FAM50A: variants seen among roughly 807,000 people sequenced by gnomAD.
FAM50A encodes the protein protein FAM50A.
Under a neutral mutation model 35.5 loss-of-function variants are expected in FAM50A, and 6 were observed. The ratio of observed to expected loss-of-function variants is 0.17; its 90% CI spans 0.09 to 0.33. The LOEUF (loss-of-function observed/expected upper bound fraction) is 0.33, where lower values mean the gene tolerates loss of function less well. FAM50A is among the 10% of genes least tolerant of loss of function. FAM50A has a pLI of 1.00. For missense variants in FAM50A, 145 were observed against 295.5 expected (o/e 0.49, Z 3.73); for synonymous variants, 120 against 110.9 (o/e 1.08, Z -0.52).
Position 154,444,188 on chromosome X carries a change from T to TCGCCGCCGCCGCCGCCCGC in FAM50A, c.-31_-13dup, listed in dbSNP as rs782753766. 16 of 507,848 alleles carry TCGCCGCCGCCGCCGCCCGC rather than the reference T, an allele frequency of 3.2e-5. No homozygotes were observed. The highest frequency in any genetic ancestry group is 3.9e-5 in the Non-Finnish European group (16 of 413,948). 41.9% of individuals were successfully genotyped at this position (507,848 alleles called of 1,213,427 possible). On this transcript the variant is annotated 5_prime_UTR_variant, in exon 1 of 13. Coordinates refer to ENST00000393600, the MANE Select transcript of FAM50A (RefSeq NM_004699.4). ...GCCGCTGCCGCTGCCGCTGTCGCTG[T>TCGCCGCCGCCGCCGCCCGC]CGCCGCCGCCGCCGCCCGCCGCCGC...
intron 4 of FAM50A, among the ~76,000 whole-genome samples, chrX:154,447,217 C>T (rs1191195274): frequency 8.9e-6 from 1 of 112,555 alleles, no homozygotes; most frequent in Non-Finnish European, 1.9e-5. Flanking sequence ...CGAGAAAGTA[C>T]ATGCCAGAAG....
chrX:154,449,365 C>A, intron 8 of FAM50A, 68 bp downstream of exon 8: 1 of 938,691 alleles, frequency 1.1e-6, no homozygotes, highest in Non-Finnish European at 1.5e-6. Context: ...GTGCCAGACA[C>A]CCAGTGTGAT....
At chrX:154,445,746 G>A (rs200788225) in intron 2 of FAM50A, 29 bp downstream of exon 2, 13 of 1,187,464 alleles carry the variant, frequency 1.1e-5, no homozygotes, top group Admixed American at 4.4e-5. Context: ...CCCCTCACCC[G>A]GGCCCCGGGC....
At chrX:154,446,824 C>T in intron 4 of FAM50A, among the ~76,000 whole-genome samples, 1 of 112,396 alleles carries the variant, frequency 8.9e-6, no homozygotes, top group East Asian at 2.8e-4. Flanking sequence ...GACTGGGGCA[C>T]TAAATGGTGA....
chrX:154,446,276 A>C (rs2068782350), intron 3 of FAM50A, 139 bp from the exon 4 acceptor site: 1 of 542,687 alleles, frequency 1.8e-6, no homozygotes, highest in Admixed American at 2.9e-5. Context: ...GGACAGCAGG[A>C]CCCGTCTGGG....
At position 154,449,934 on chromosome X, in the gene FAM50A, G is replaced by A; in HGVS notation, c.829+3G>A. ...CACCAAGGCACGGGGGAAGAGTGGT[G>A]AGTGCCGCCGACCCAGCCGCCCCCA... is the stretch of plus-strand genomic sequence containing the variant. On this transcript the variant is annotated splice_donor_region_variant and intron_variant, in intron 10 of 12. Coordinates refer to ENST00000393600, the MANE Select transcript of FAM50A (RefSeq NM_004699.4). The A allele has an allele frequency of 8.3e-7, 1 of 1,211,190 alleles. No homozygotes were observed. Among genetic ancestry groups the A allele is most frequent in the Non-Finnish European group, 1.1e-6 (1 of 894,949 alleles).
chrX:154,449,599 G>T, intron 8 of FAM50A, 82 bp from the exon 9 acceptor site: 1 of 861,751 alleles, frequency 1.2e-6, no homozygotes, highest in Non-Finnish European at 1.7e-6. Context: ...CCCAGCATGG[G>T]CTCTCCTGGG....
At chrX:154,447,060 G>A (rs1676304639) in intron 4 of FAM50A, among the ~76,000 whole-genome samples, 2 of 111,517 alleles carry the variant, frequency 1.8e-5, no homozygotes, top group African/African-American at 6.5e-5. Flanking sequence ...GGAAGTCACG[G>A]GTCACCATGC....
Position 154,449,742 on chromosome X carries a change from C to T in FAM50A, c.780+7C>T, listed in dbSNP as rs1459539820. The T allele has an allele frequency of 5.8e-6, 7 of 1,203,856 alleles. No individual in the cohort carries two copies. In the Admixed American group the frequency reaches 1.3e-4, roughly 23 times the overall value. On this transcript the variant is annotated splice_region_variant and intron_variant, in intron 9 of 12. Transcript: ENST00000393600. The stretch of plus-strand genomic sequence containing the variant: ...GGACTTGATCATCCCTCACGTGAGT[C>T]CCTTCAGCCCCAGTACCCGCAGTGG...
At chrX:154,448,839 C>G in intron 6 of FAM50A, 54 bp from the exon 7 acceptor site, 1 of 1,193,300 alleles carries the variant, frequency 8.4e-7, no homozygotes. Flanking sequence ...GTGCGCTGAG[C>G]CCCAAGGCTG....
In FAM50A at chrX:154,446,528, C is replaced by G. The variant is rs149558328; in HGVS notation, c.410C>G (p.Ala137Gly). Residue 137 changes from alanine to glycine, a missense_variant, in exon 4 of 13, where the codon GCG becomes GGG. Physicochemically the swap from Ala to Gly is moderately conservative, Grantham distance 60. Coordinates refer to ENST00000393600, the MANE Select transcript of FAM50A (RefSeq NM_004699.4). ...EEEGGEEEEEAAMYEEEMERE... is the reference protein window; with the variant it reads ...EEEGGEEEEEGAMYEEEMERE... ...GAGGGAGGCGAGGAGGAAGAGGAGG[C>G]GGCCATGTATGAGGAGGAGATGGAA... The G allele has an allele frequency of 1.7e-6, 2 of 1,183,365 alleles. No homozygotes were observed. The highest frequency in any genetic ancestry group is 2.3e-6 in the Non-Finnish European group (2 of 877,889).
At chrX:154,449,083 C>A in intron 7 of FAM50A, 129 bp downstream of exon 7, 1 of 890,964 alleles carries the variant, frequency 1.1e-6, no homozygotes, top group Non-Finnish European at 1.6e-6. Flanking sequence ...CAGGGCCTGG[C>A]CCCCTGTCTG....
rs781952572 is a variant in FAM50A, at chrX:154,450,526, T to C, written c.*94T>C. The C allele has an allele frequency of 3.3e-5, 31 of 947,070 alleles. No individual in the cohort carries two copies. The African/African-American group carries it at 3.7e-4, about 11-fold the overall frequency. 78.0% of individuals were successfully genotyped at this position (947,070 alleles called of 1,213,427 possible). A position where few individuals can be genotyped will look rare whatever the true frequency, so the allele number is the denominator to read the frequency against. On this transcript the variant is annotated 3_prime_UTR_variant, in exon 13 of 13. Coordinates refer to ENST00000393600, the MANE Select transcript of FAM50A (RefSeq NM_004699.4). ...CCAGGCACCCGCTCCCCTGCGACCA[T>C]GCCAGGCACGCTGGGAGGAGGACGG... is the stretch of plus-strand genomic sequence containing the variant.
intron 3 of FAM50A, 25 bp downstream of exon 3, chrX:154,445,936 A>G (rs1557199761): frequency 6.2e-6 from 7 of 1,132,017 alleles, no homozygotes; most frequent in Non-Finnish European, 8.5e-6. Flanking sequence ...CGCAGCCCTC[A>G]ACATGGAGCT....
Position 154,450,417 on chromosome X carries a change from A to C in FAM50A, c.1012-7A>C. 1 of 1,210,334 alleles carries C rather than the reference A, an allele frequency of 8.3e-7. No homozygotes were observed. The highest frequency in any genetic ancestry group is 1.1e-6 in the Non-Finnish European group (1 of 894,903). On this transcript the variant is annotated splice_region_variant and splice_polypyrimidine_tract_variant and intron_variant, in intron 12 of 12. Coordinates refer to ENST00000393600, the MANE Select transcript of FAM50A (RefSeq NM_004699.4). ...TGTCTCCTCTGCCCACCTTGTCCTCACACTAGATCCGCTGAGCATCCAGGA... is the reference window on the plus strand; with the variant it reads ...TGTCTCCTCTGCCCACCTTGTCCTCCCACTAGATCCGCTGAGCATCCAGGA...
At position 154,450,324 on chromosome X, in the gene FAM50A, G is replaced by A; in HGVS notation, c.1011+5G>A. On this transcript the variant is annotated splice_donor_5th_base_variant and intron_variant, in intron 12 of 12. Transcript: ENST00000393600. ...AAGAAGTGGGACAAGTACACGGTGA[G>A]GAGGGGCTGGCAGGGACCCCTCCAA... The A allele has an allele frequency of 8.3e-7, 1 of 1,207,961 alleles. No individual in the cohort carries two copies. Among genetic ancestry groups the A allele is most frequent in the Non-Finnish European group, 1.1e-6 (1 of 891,819 alleles).
chrX:154,449,381 C>T lies in FAM50A; in HGVS notation c.725+84C>T, dbSNP rs149398479. The T allele has an allele frequency of 2.6e-4, 210 of 820,808 alleles. No homozygotes were observed. The African/African-American group carries it at 3.0e-3, about 12-fold the overall frequency. The allele number at this position is 820,808 out of a possible 1,213,427, so 67.6% of individuals were successfully genotyped here. ...TGCCAGACACCCAGTGTGATGTGGG[C>T]GCTGTCTGGGCAAGCAAGCAGCGTG... On this transcript the variant is annotated intron_variant, in intron 8 of 12. Coordinates refer to ENST00000393600, the MANE Select transcript of FAM50A (RefSeq NM_004699.4).
intron 7 of FAM50A, 60 bp downstream of exon 7, chrX:154,449,014 G>A (rs2068793534): frequency 1.9e-6 from 2 of 1,078,434 alleles, no homozygotes; most frequent in East Asian, 6.0e-5. Context: ...CAGGTTCCGT[G>A]GGAAGGAACT....
At chrX:154,446,591 C>T (rs782155801) in intron 4 of FAM50A, 31 bp downstream of exon 4, 6 of 1,118,660 alleles carry the variant, frequency 5.4e-6, no homozygotes, top group South Asian at 2.2e-5. Context: ...GAGCCCCGCC[C>T]GCAGCCCCTG....
Sources: allele counts gnomAD v4.1 joint callset (sites outside exome capture counted in the v4.1 genomes callset), GRCh38; gene constraint gnomAD v4.1.1; transcripts MANE v1.5; gene names NCBI Gene and HGNC (gene_info 2026-07-23, HGNC 2026-07-21).